LRFN5: variants seen among roughly 807,000 people sequenced by gnomAD.
The protein encoded by LRFN5 is leucine-rich repeat and fibronectin type-III domain-containing protein 5.
In LRFN5, 24 loss-of-function variants were observed where a neutral mutation model predicts 45.6. The ratio of observed to expected loss-of-function variants is 0.53; its 90% CI spans 0.38 to 0.74. LRFN5 has a LOEUF of 0.74. LRFN5 is among the 30% of genes least tolerant of loss of function. The pLI is 0.00. For missense variants in LRFN5, 776 were observed against 861.5 expected (o/e 0.90, Z 1.24); for synonymous variants, 340 against 313.8 (o/e 1.08, Z -0.88).
At chr14:41,761,655 A>G (rs1205021003) in intron 1 of LRFN5, among the ~76,000 whole-genome samples, 1 of 152,148 alleles carries the variant, frequency 6.6e-6, no homozygotes, top group East Asian at 1.9e-4. Flanking sequence ...TCACCAAGGG[A>G]TGAAGATGTG....
intron 1 of LRFN5, chr14:41,731,406 C>A (rs527949312): frequency 6.6e-6 from 1 of 152,210 alleles, no homozygotes; most frequent in Non-Finnish European, 1.5e-5. Context: ...TGTGCTAACT[C>A]TTCACTGATA....
chr14:41,776,969 A>G (rs1031491324), intron 2 of LRFN5, among the ~76,000 whole-genome samples: 10 of 152,042 alleles, frequency 6.6e-5, no homozygotes, highest in South Asian at 4.1e-4. Context: ...TCCTTTACAC[A>G]TTGAATTGGA....
intron 2 of LRFN5, among the ~76,000 whole-genome samples, chr14:41,838,351 A>G (rs986877143): frequency 1.3e-5 from 2 of 152,156 alleles, no homozygotes; most frequent in African/African-American, 4.8e-5. Context: ...GATGCTAATG[A>G]AGTAGGACTC....
intron 2 of LRFN5, among the ~76,000 whole-genome samples, chr14:41,807,573 T>G (rs2056116970): frequency 6.6e-6 from 1 of 152,166 alleles, no homozygotes; most frequent in Non-Finnish European, 1.5e-5. Context: ...GAGATTTGAA[T>G]GCTCTTTGCA....
chr14:41,825,263 G>A (rs1888254981), intron 2 of LRFN5, among the ~76,000 whole-genome samples: 1 of 152,172 alleles, frequency 6.6e-6, no homozygotes, highest in Non-Finnish European at 1.5e-5. Flanking sequence ...CCAAGCCCCT[G>A]GGAGAGGAAC....
intron 2 of LRFN5, among the ~76,000 whole-genome samples, chr14:41,800,170 A>G (rs1887276595): frequency 6.6e-6 from 1 of 152,078 alleles, no homozygotes; most frequent in Non-Finnish European, 1.5e-5. Flanking sequence ...AAGTTGCATC[A>G]CATCCTATAA....
At chr14:41,610,746 A>T (rs964377843) in intron 1 of LRFN5, among the ~76,000 whole-genome samples, 10 of 144,118 alleles carry the variant, frequency 6.9e-5, no homozygotes, top group South Asian at 6.5e-4. Flanking sequence ...GAATAAATTT[A>T]AAAAAGGATT....
chr14:41,670,093 A>G (rs1237233879), intron 1 of LRFN5, among the ~76,000 whole-genome samples: 1 of 148,516 alleles, frequency 6.7e-6, no homozygotes, highest in African/African-American at 2.4e-5. Flanking sequence ...ACATATATAC[A>G]CACATACATA....
In LRFN5 at chr14:41,822,066, T is replaced by C. The variant is rs1248917384; in HGVS notation, c.-21+55037T>C. On this transcript the variant is annotated intron_variant, in intron 2 of 5. Transcript: ENST00000298119. ...TCTTCTCCCTTTTTTTCTTGGTTAATCTAGCAAGCATCCTAGCAAATTTGT... is the reference window on the plus strand; with the variant it reads ...TCTTCTCCCTTTTTTTCTTGGTTAACCTAGCAAGCATCCTAGCAAATTTGT... Among the ~76,000 whole-genome samples, 7 of 152,022 alleles carry C rather than the reference T, an allele frequency of 4.6e-5. No individual in the cohort carries two copies. The East Asian group carries it at 1.3e-3, about 29-fold the overall frequency.
intron 2 of LRFN5, among the ~76,000 whole-genome samples, chr14:41,871,898 T>A (rs1890032366): frequency 1.3e-5 from 2 of 152,194 alleles, no homozygotes; most frequent in Non-Finnish European, 2.9e-5. Context: ...ACACTTGTAC[T>A]TACTCCACAT....
intron 2 of LRFN5, among the ~76,000 whole-genome samples, chr14:41,775,093 C>T (rs200310957): frequency 3.3e-4 from 37 of 112,454 alleles, no homozygotes; most frequent in East Asian, 3.0e-3. Flanking sequence ...TTTTCTTTTT[C>T]TTTTTTTTTT....
intron 1 of LRFN5, among the ~76,000 whole-genome samples, chr14:41,754,800 C>T (rs1157128963): frequency 6.6e-6 from 1 of 152,126 alleles, no homozygotes; most frequent in East Asian, 1.9e-4. Flanking sequence ...TTCTTGCCTT[C>T]TGCTAGCTGT....
intron 2 of LRFN5, among the ~76,000 whole-genome samples, chr14:41,870,178 G>A (rs1444940248): frequency 6.6e-6 from 1 of 152,016 alleles, no homozygotes; most frequent in Non-Finnish European, 1.5e-5. Context: ...GCTCCTTCAG[G>A]TTGTTGGTAA....
intron 3 of LRFN5, among the ~76,000 whole-genome samples, chr14:41,888,760 G>A (rs1381651706): frequency 6.6e-6 from 1 of 152,010 alleles, no homozygotes; most frequent in African/African-American, 2.4e-5. Flanking sequence ...TCCAAGTAAG[G>A]ATGATGATGG....
intron 1 of LRFN5, among the ~76,000 whole-genome samples, chr14:41,609,320 T>G (rs910317679): frequency 6.6e-6 from 1 of 150,774 alleles, no homozygotes; most frequent in African/African-American, 2.5e-5. Context: ...TGCGCGTTTT[T>G]TTGTTGTTGT....
At chr14:41,865,614 A>G (rs1023752483) in intron 2 of LRFN5, among the ~76,000 whole-genome samples, 3 of 152,164 alleles carry the variant, frequency 2.0e-5, no homozygotes, top group African/African-American at 4.8e-5. Flanking sequence ...TATGGTAACC[A>G]TATATTTAAC....
At chr14:41,869,125 C>A (rs1052003687) in intron 2 of LRFN5, among the ~76,000 whole-genome samples, 2 of 152,130 alleles carry the variant, frequency 1.3e-5, no homozygotes, top group African/African-American at 4.8e-5. Context: ...GGTAGTTATT[C>A]ATTTCCATTG....
chr14:41,740,425 A>T (rs182519985), intron 1 of LRFN5, among the ~76,000 whole-genome samples: 1 of 152,014 alleles, frequency 6.6e-6, no homozygotes, highest in African/African-American at 2.4e-5. Flanking sequence ...TATTAACAAA[A>T]TGAAGAAGAA....
intron 2 of LRFN5, among the ~76,000 whole-genome samples, chr14:41,868,613 G>A (rs1162335114): frequency 6.6e-6 from 1 of 152,126 alleles, no homozygotes; most frequent in Non-Finnish European, 1.5e-5. Context: ...GCCATGAAAT[G>A]TCTTTAGAAG....
Sources: gnomAD v4.1 joint callset for allele counts (sites outside exome capture counted in the v4.1 genomes callset) on GRCh38, gnomAD v4.1.1 for gene constraint, MANE v1.5 for transcripts, NCBI Gene and HGNC (gene_info 2026-07-23, HGNC 2026-07-21) for gene names.